The following CREB1 variants were observed in gnomAD, a reference collection of about 807,000 sequenced individuals.
The protein encoded by CREB1 is cAMP responsive element binding protein 1, also known as cyclic AMP-responsive element-binding protein 1.
CREB1 carries 2 observed loss-of-function variants against 42.0 expected under a neutral mutation model. That is an observed-to-expected ratio of 0.05 (90% CI 0.02 to 0.15). The LOEUF is 0.15. Ranked by LOEUF, CREB1 falls within the 10% of genes least tolerant of loss-of-function variation. The pLI is 1.00. For missense variants in CREB1, 199 were observed against 388.9 expected (o/e 0.51, Z 4.11); for synonymous variants, 123 against 139.9 (o/e 0.88, Z 0.85).
chr2:207,587,300 G>A (rs1413629897), intron 7 of CREB1, among the ~76,000 whole-genome samples: 2 of 151,780 alleles, frequency 1.3e-5, no homozygotes, highest in African/African-American at 4.8e-5. Flanking sequence ...GGCTGAGGCA[G>A]GAGAATGGCG....
intron 5 of CREB1, among the ~76,000 whole-genome samples, chr2:207,570,967 T>C (rs2082332139): frequency 6.6e-6 from 1 of 151,876 alleles, no homozygotes; most frequent in Admixed American, 6.6e-5. Context: ...ACTTTTGAAT[T>C]TTATTTTGTT....
chr2:207,568,208 AT>A (rs1376271437), intron 4 of CREB1: 1 of 151,998 alleles, frequency 6.6e-6, no homozygotes, highest in African/African-American at 2.4e-5. Flanking sequence ...AGTGTAAATT[AT>A]TTTTTATATA....
Position 207,538,165 on chromosome 2 carries a change from C to T in CREB1, c.-9+8031C>T, listed in dbSNP as rs116456065. Among the ~76,000 whole-genome samples the T allele has an allele frequency of 3.8e-3, 571 of 152,262 alleles. 3 individuals are homozygous for T. Among genetic ancestry groups the T allele is most frequent in the South Asian group, 6.2e-3 (30 of 4,828 alleles). ...GATTTTGGATGTTTTATTAGGGATG[C>T]TTACCCTGTATTATATTTTGCCCAG... On this transcript the variant is annotated intron_variant, in intron 1 of 7. Transcript: ENST00000353267.
intron 1 of CREB1, among the ~76,000 whole-genome samples, chr2:207,537,270 C>T (rs998188614): frequency 2.0e-5 from 3 of 151,996 alleles, no homozygotes; most frequent in African/African-American, 7.2e-5. Flanking sequence ...ATCTCCTTGA[C>T]CTCGTGATCC....
At chr2:207,582,101 G>A (rs1346075346) in intron 7 of CREB1, 1 of 702,804 alleles carries the variant, frequency 1.4e-6, no homozygotes, top group East Asian at 2.7e-5. Context: ...CCACTGTTGA[G>A]CTACCATTTT....
intron 1 of CREB1, among the ~76,000 whole-genome samples, chr2:207,543,602 A>C (rs1168629914): frequency 6.6e-6 from 1 of 151,506 alleles, no homozygotes; most frequent in African/African-American, 2.4e-5. Flanking sequence ...TATTAATTTT[A>C]TTTATTTATT....
intron 1 of CREB1, among the ~76,000 whole-genome samples, chr2:207,536,589 G>A (rs546966255): frequency 3.3e-5 from 5 of 152,222 alleles, no homozygotes; most frequent in African/African-American, 4.8e-5. Flanking sequence ...GGTATATTTC[G>A]TTTTTTGTAT....
At chr2:207,541,741 G>A (rs138121303) in intron 1 of CREB1, among the ~76,000 whole-genome samples, 1 of 152,262 alleles carries the variant, frequency 6.6e-6, no homozygotes, top group East Asian at 1.9e-4. Flanking sequence ...GTACAGTTCA[G>A]TGGTTTTCAG....
Position 207,599,437 on chromosome 2 carries a change from C to CTTTCT in CREB1, c.*2380_*2384dup, listed in dbSNP as rs1263273605. ...TAAAGCTTTTTTTCAAAAGTTCAGG[C>CTTTCT]TTTCTACTTACTGGGAAGTTGGTGG... is the stretch of plus-strand genomic sequence containing the variant. On this transcript the variant is annotated 3_prime_UTR_variant, in exon 8 of 8. Coordinates refer to ENST00000353267, the MANE Select transcript of CREB1 (RefSeq NM_004379.5). 3.0e-5 allele frequency: 6 copies of CTTTCT among 198,966 alleles called. No homozygotes were observed. The highest frequency in any genetic ancestry group is 1.9e-4 in the South Asian group (1 of 5,192). The allele number at this position is 198,966 out of a possible 1,614,324, so 12.3% of individuals were successfully genotyped here.
rs77879572 is a variant in CREB1, at chr2:207,574,086, A to G, written c.506-1186A>G. On this transcript the variant is annotated intron_variant, in intron 5 of 7. Coordinates refer to ENST00000353267, the MANE Select transcript of CREB1 (RefSeq NM_004379.5). Reference sequence around the variant, plus strand: ...TAATTTTCACAAGTGTCATTTTGCTAAACTAATCACACTGTAGCCATTAAC... The same window carrying G: ...TAATTTTCACAAGTGTCATTTTGCTGAACTAATCACACTGTAGCCATTAAC... 1.9e-3 allele frequency among the ~76,000 whole-genome samples: 285 copies of G among 152,344 alleles called. 9 individuals are homozygous for G. In the East Asian group the frequency reaches 0.05, roughly 27 times the overall value.
intron 2 of CREB1, 136 bp from the exon 3 acceptor site, chr2:207,560,090 A>T: frequency 1.5e-6 from 1 of 686,888 alleles, no homozygotes; most frequent in Non-Finnish European, 2.3e-6. Flanking sequence ...AAATTTAGTC[A>T]TTACTTTCAT....
intron 7 of CREB1, among the ~76,000 whole-genome samples, chr2:207,583,259 C>A (rs1022660418): frequency 2.6e-5 from 4 of 152,052 alleles, no homozygotes; most frequent in Non-Finnish European, 1.5e-5. Flanking sequence ...ACCAATCCCC[C>A]ACAGATACTG....
In CREB1 at chr2:207,563,312, A is replaced by G. The variant is rs373270149; in HGVS notation, c.261+2940A>G. 3.7e-4 allele frequency among the ~76,000 whole-genome samples: 57 copies of G among 152,358 alleles called. 3 individuals are homozygous for G. The highest frequency in any genetic ancestry group is 2.3e-3 in the East Asian group (12 of 5,192). On this transcript the variant is annotated intron_variant, in intron 3 of 7. Coordinates refer to ENST00000353267, the MANE Select transcript of CREB1 (RefSeq NM_004379.5). ...TTAAAATGTCAAATCTACGTATTTT[A>G]AAACCCTAGGAATAGAACTTTGTAA...
At chr2:207,549,731 C>T (rs1283327691) in intron 1 of CREB1, among the ~76,000 whole-genome samples, 3 of 152,108 alleles carry the variant, frequency 2.0e-5, no homozygotes, top group African/African-American at 4.8e-5. Context: ...CACCTGTAGT[C>T]CCAACACTTT....
intron 1 of CREB1, among the ~76,000 whole-genome samples, chr2:207,533,061 A>C (rs779791648): frequency 2.0e-5 from 3 of 152,082 alleles, no homozygotes; most frequent in Admixed American, 1.3e-4. Context: ...CCATGGATAA[A>C]AATTACAGCT....
intron 5 of CREB1, among the ~76,000 whole-genome samples, chr2:207,572,748 G>A (rs895079754): frequency 3.9e-5 from 6 of 151,900 alleles, no homozygotes; most frequent in Admixed American, 1.3e-4. Flanking sequence ...CCCAGAGGGC[G>A]GAGCCTGCAG....
chr2:207,591,106 CAGAT>C (rs2084949699), intron 7 of CREB1, among the ~76,000 whole-genome samples: 2 of 152,216 alleles, frequency 1.3e-5, no homozygotes. Context: ...ATATCAATGT[CAGAT>C]AGGTGTAGTT....
chr2:207,587,181 C>G (rs1248290431), intron 7 of CREB1, among the ~76,000 whole-genome samples: 1 of 152,110 alleles, frequency 6.6e-6, no homozygotes, highest in East Asian at 1.9e-4. Flanking sequence ...ATCACAAGGT[C>G]AGGAGATCGA....
intron 1 of CREB1, among the ~76,000 whole-genome samples, chr2:207,544,000 A>G (rs2081202407): frequency 6.6e-6 from 1 of 151,138 alleles, no homozygotes; most frequent in African/African-American, 2.4e-5. Flanking sequence ...GCTCACTGCA[A>G]GCTCTGCCTC....
Sources: gnomAD v4.1 joint callset for allele counts (sites outside exome capture counted in the v4.1 genomes callset) on GRCh38, gnomAD v4.1.1 for gene constraint, MANE v1.5 for transcripts, NCBI Gene and HGNC (gene_info 2026-07-23, HGNC 2026-07-21) for gene names.